Variants in CAP1 observed in about 807,000 individuals in gnomAD.
CAP1 encodes the protein cyclase associated actin cytoskeleton regulatory protein 1, also known as adenylyl cyclase-associated protein 1.
Under a neutral mutation model 58.2 loss-of-function variants are expected in CAP1, and 11 were observed. The ratio of observed to expected loss-of-function variants is 0.19; its 90% CI spans 0.12 to 0.31. The LOEUF is 0.31. Ranked by LOEUF, CAP1 falls within the 10% of genes least tolerant of loss-of-function variation. The pLI, the probability that CAP1 is intolerant of heterozygous loss-of-function variation, is 1.00. For synonymous variants in CAP1, 183 were observed against 213.8 expected (o/e 0.86, Z 1.26); for missense variants, 423 against 587.5 (o/e 0.72, Z 2.89).
At position 40,071,535 on chromosome 1, in the gene CAP1, C is replaced by G. The variant is rs777378618; in HGVS notation, c.*2C>G. 1 of 1,603,560 alleles carries G rather than the reference C, an allele frequency of 6.2e-7. No individual in the cohort carries two copies. The highest frequency in any genetic ancestry group is 1.7e-5 in the Admixed American group (1 of 59,950). On this transcript the variant is annotated 3_prime_UTR_variant, in exon 13 of 13. Transcript: ENST00000372805. ...ACAGTGACAGAAATTGCTGGATAAG[C>G]GAAGTGCCACTGGGTTCTTTGCCCT... is the stretch of plus-strand genomic sequence containing the variant.
Position 40,067,766 on chromosome 1 carries a change from C to A in CAP1, c.808+49C>A, listed in dbSNP as rs1370870075. The A allele has an allele frequency of 5.2e-6, 7 of 1,338,176 alleles. No individual in the cohort carries two copies. In the African/African-American group the frequency reaches 7.4e-5, roughly 14 times the overall value. 82.9% of individuals were successfully genotyped at this position (1,338,176 alleles called of 1,614,324 possible). ...CAGTAGGTACAACAAGTTGTGTGGG[C>A]CAGACCCCACCAACCAGAACCGTCT... On this transcript the variant is annotated intron_variant, in intron 8 of 12. Coordinates refer to ENST00000372805, the MANE Select transcript of CAP1 (RefSeq NM_006367.4).
chr1:40,071,300 A>C (rs997750798), intron 12 of CAP1, 150 bp from the exon 13 acceptor site: 1 of 632,012 alleles, frequency 1.6e-6, no homozygotes, highest in African/African-American at 1.8e-5. Context: ...GAACACTAGA[A>C]CATAGCATGG....
intron 9 of CAP1, 61 bp downstream of exon 9, chr1:40,069,935 A>G (rs1647524513): frequency 6.8e-7 from 1 of 1,476,596 alleles, no homozygotes; most frequent in Non-Finnish European, 9.0e-7. Context: ...TTTGAGATGG[A>G]GTTTCACTTT....
In CAP1 at chr1:40,071,459, C is replaced by G. The variant is rs1648015726; in HGVS notation, c.1354C>G (p.Pro452Ala). 6.2e-7 allele frequency: 1 copy of G among 1,611,322 alleles called. No homozygotes were observed. Among genetic ancestry groups the G allele is most frequent in the Admixed American group, 1.7e-5 (1 of 59,838 alleles). The part of the protein sequence containing the change: ...PTEGGDFNEF[P>A]VPEQFKTLWN... ...TCTTCTTTATTTGCAGAATGAATTC[C>G]CAGTTCCTGAGCAGTTCAAGACCCT... is the stretch of plus-strand genomic sequence containing the variant. The change falls in exon 13 of 13, where the codon CCA becomes GCA. Residue 452 changes from proline (P) to alanine (A), a missense_variant. Transcript: ENST00000372805.
intron 1 of CAP1, among the ~76,000 whole-genome samples, chr1:40,044,077 A>G (rs535694592): frequency 7.2e-5 from 11 of 152,118 alleles, no homozygotes; most frequent in African/African-American, 2.2e-4. Context: ...GAGTTTAGCT[A>G]TTGAGTCTGT....
chr1:40,045,924 G>T (rs1421731085), intron 1 of CAP1, among the ~76,000 whole-genome samples: 1 of 152,156 alleles, frequency 6.6e-6, no homozygotes, highest in East Asian at 1.9e-4. Context: ...CTGGCCTCAG[G>T]TGATTCTCTG....
intron 1 of CAP1, among the ~76,000 whole-genome samples, chr1:40,045,775 C>G (rs777067419): frequency 3.3e-5 from 5 of 152,058 alleles, no homozygotes; most frequent in African/African-American, 1.2e-4. Context: ...AGGCTGGTCT[C>G]GAACTCCTCA....
chr1:40,055,185 A>C (rs1557681739), intron 1 of CAP1, among the ~76,000 whole-genome samples: 1 of 152,158 alleles, frequency 6.6e-6, no homozygotes, highest in Non-Finnish European at 1.5e-5. Context: ...TGGAAAACGC[A>C]AGTAGTCCCG....
At chr1:40,045,871 A>G (rs1284656287) in intron 1 of CAP1, among the ~76,000 whole-genome samples, 3 of 152,008 alleles carry the variant, frequency 2.0e-5, no homozygotes. Flanking sequence ...GATTTTTTTC[A>G]GAGACAGGGT....
At chr1:40,057,289 C>A (rs1210716409) in intron 1 of CAP1, among the ~76,000 whole-genome samples, 1 of 152,062 alleles carries the variant, frequency 6.6e-6, no homozygotes, top group Non-Finnish European at 1.5e-5. Context: ...TGCCTTTTCC[C>A]CTGGACTTAC....
At chr1:40,045,888 A>G (rs1039085142) in intron 1 of CAP1, among the ~76,000 whole-genome samples, 1 of 151,792 alleles carries the variant, frequency 6.6e-6, no homozygotes, top group Non-Finnish European at 1.5e-5. Flanking sequence ...GGGTCTTGCT[A>G]TGTTGCCTGG....
chr1:40,051,890 G>A (rs916446747), intron 1 of CAP1, among the ~76,000 whole-genome samples: 2 of 151,914 alleles, frequency 1.3e-5, no homozygotes, highest in Non-Finnish European at 2.9e-5. Flanking sequence ...GTTTTGTTTT[G>A]TTTTTTAAAT....
rs1646980983 is a variant in CAP1, at chr1:40,064,256, C to T, written c.324C>T (p.Ile108=). 1 of 1,614,178 alleles carries T rather than the reference C, an allele frequency of 6.2e-7. No individual in the cohort carries two copies. Among genetic ancestry groups the T allele is most frequent in the Non-Finnish European group, 8.5e-7 (1 of 1,180,016 alleles). ...ENKLSDLLAP[I]SEQIKEVITF... Reference sequence around the variant, plus strand: ...AGCTTTCCGATTTGTTGGCACCCATCTCAGAGCAGATCAAAGAAGTGATAA... The same window carrying T: ...AGCTTTCCGATTTGTTGGCACCCATTTCAGAGCAGATCAAAGAAGTGATAA... The change falls in exon 5 of 13, where the codon ATC becomes ATT. Residue 108 remains isoleucine (I), a synonymous_variant. Transcript: ENST00000372805.
At chr1:40,054,254 A>C (rs931413295) in intron 1 of CAP1, among the ~76,000 whole-genome samples, 18 of 145,326 alleles carry the variant, frequency 1.2e-4, no homozygotes, top group Non-Finnish European at 2.4e-4. Context: ...GCAGTGGCGC[A>C]ATCTCAGCTT....
At chr1:40,045,240 G>A (rs548167345) in intron 1 of CAP1, among the ~76,000 whole-genome samples, 1 of 152,224 alleles carries the variant, frequency 6.6e-6, no homozygotes, top group South Asian at 2.1e-4. Flanking sequence ...ATTGCCCCTG[G>A]TTGAGAATTG....
intron 1 of CAP1, among the ~76,000 whole-genome samples, chr1:40,050,393 A>AT (rs1646300825): frequency 6.6e-6 from 1 of 152,016 alleles, no homozygotes; most frequent in South Asian, 2.1e-4. Context: ...AATATTGTGG[A>AT]TTTTTTTCCT....
intron 1 of CAP1, among the ~76,000 whole-genome samples, chr1:40,045,494 G>A (rs1646050331): frequency 1.3e-5 from 2 of 152,126 alleles, no homozygotes; most frequent in Non-Finnish European, 2.9e-5. Flanking sequence ...CAACTTTTGG[G>A]CTCAAGTAAT....
intron 1 of CAP1, among the ~76,000 whole-genome samples, chr1:40,049,665 A>T (rs985491675): frequency 3.9e-5 from 6 of 152,108 alleles, no homozygotes; most frequent in African/African-American, 1.4e-4. Flanking sequence ...TCCAGTCTTG[A>T]TTCTTTCCTA....
rs559869561 is a variant in CAP1, at chr1:40,055,925, T to A, written c.-10-3412T>A. ...AGATGTTGTGGGGGAGTTTATGGAA[T>A]CCTTACTATTTTCCAGGACTGTGCC... On this transcript the variant is annotated intron_variant, in intron 1 of 12. Transcript: ENST00000372805. Among the ~76,000 whole-genome samples, 3 of 152,300 alleles carry A rather than the reference T, an allele frequency of 2.0e-5. No individual in the cohort carries two copies. The South Asian group carries it at 6.2e-4, about 32-fold the overall frequency.
Sources: allele counts gnomAD v4.1 joint callset (sites outside exome capture counted in the v4.1 genomes callset), GRCh38; gene constraint gnomAD v4.1.1; transcripts MANE v1.5; gene names NCBI Gene and HGNC (gene_info 2026-07-23, HGNC 2026-07-21).